Variants in NT5C2 observed in about 807,000 individuals in gnomAD.
NT5C2 encodes 5'-nucleotidase, cytosolic II.
In NT5C2, 58 loss-of-function variants were observed where a neutral mutation model predicts 76.1. The observed-to-expected ratio is 0.76, with a 90% CI of 0.62 to 0.95. The LOEUF is 0.95. Ranked by LOEUF, NT5C2 falls within the 40% of genes least tolerant of loss-of-function variation. The probability of loss-of-function intolerance (pLI) is 0.00; values close to 1 mark genes in which losing one functional copy is unlikely to be tolerated. For missense variants in NT5C2, 478 were observed against 690.3 expected, an observed-to-expected ratio of 0.69 and a Z score of 3.45; for synonymous variants, 229 against 237.4, an observed-to-expected ratio of 0.96 and a Z score of 0.32.
intron 3 of NT5C2, among the ~76,000 whole-genome samples, chr10:103,147,972 G>A (rs1026283264): frequency 2.0e-5 from 3 of 152,052 alleles, no homozygotes; most frequent in Admixed American, 6.6e-5. Context: ...TGAATGATAC[G>A]TGAATTGTAT....
intron 4 of NT5C2, among the ~76,000 whole-genome samples, chr10:103,118,676 C>T (rs1284738708): frequency 6.6e-6 from 1 of 152,040 alleles, no homozygotes; most frequent in African/African-American, 2.4e-5. Context: ...CACATTTCAT[C>T]TTCACAAATC....
chr10:103,187,354 G>C (rs1028193045), intron 1 of NT5C2, among the ~76,000 whole-genome samples: 5 of 151,822 alleles, frequency 3.3e-5, no homozygotes, highest in Non-Finnish European at 7.4e-5. Flanking sequence ...GACCAGCTTG[G>C]CCAAAATGAA....
intron 4 of NT5C2, among the ~76,000 whole-genome samples, chr10:103,135,900 C>G (rs1411701689): frequency 6.6e-6 from 1 of 151,954 alleles, no homozygotes; most frequent in African/African-American, 2.4e-5. Context: ...GCCTGGGTAA[C>G]CTGGTGAAAC....
At chr10:103,091,233 G>C (rs980405637) in intron 16 of NT5C2, among the ~76,000 whole-genome samples, 5 of 152,054 alleles carry the variant, frequency 3.3e-5, no homozygotes, top group South Asian at 2.1e-4. Flanking sequence ...ATGGGGTTTC[G>C]TTTGCCATGT....
chr10:103,165,364 A>G (rs1275798048), intron 3 of NT5C2, among the ~76,000 whole-genome samples: 1 of 152,084 alleles, frequency 6.6e-6, no homozygotes, highest in Non-Finnish European at 1.5e-5. Flanking sequence ...GTGCTGGCAC[A>G]TCCCTGTAAT....
At chr10:103,106,837 C>A in intron 4 of NT5C2, 131 bp from the exon 5 acceptor site, 1 of 684,140 alleles carries the variant, frequency 1.5e-6, no homozygotes, top group East Asian at 2.5e-5. Context: ...TCTTCCCCCT[C>A]AAACTCCATG....
intron 3 of NT5C2, among the ~76,000 whole-genome samples, chr10:103,160,783 G>C (rs1458723092): frequency 1.3e-5 from 2 of 152,160 alleles, no homozygotes; most frequent in African/African-American, 4.8e-5. Flanking sequence ...GGGAGGCCGA[G>C]GCAGGCAGAT....
chr10:103,140,237 CTT>C (rs1333418759), intron 3 of NT5C2: 2 of 152,218 alleles, frequency 1.3e-5, no homozygotes, highest in South Asian at 2.1e-4. Context: ...CTGCTTTGCT[CTT>C]TGTTTCTATG....
chr10:103,094,237 T>G (rs1255211669), intron 13 of NT5C2, 111 bp downstream of exon 13: 7 of 765,910 alleles, frequency 9.1e-6, no homozygotes, highest in Non-Finnish European at 1.5e-5. Flanking sequence ...AAAAGAGAGA[T>G]ACGGCTAATT....
rs529095426 is a variant in NT5C2 at position 103,109,326 on chromosome 10, G to A, written c.176-2620C>T. 5.3e-5 allele frequency among the ~76,000 whole-genome samples: 8 copies of A among 152,176 alleles called. No individual in the cohort carries two copies. In the East Asian group the frequency reaches 1.5e-3, roughly 29 times the overall value. ...TATATACACTAATAGAGTAAGAGCT[G>A]GTGTATCATAAAACCATAAGGCATG... On this transcript the variant is annotated intron_variant, in intron 4 of 18. Coordinates refer to ENST00000404739, the MANE Select transcript of NT5C2 (RefSeq NM_001351169.2).
At chr10:103,152,968 G>A (rs527460917) in intron 3 of NT5C2, among the ~76,000 whole-genome samples, 18 of 151,966 alleles carry the variant, frequency 1.2e-4, no homozygotes, top group African/African-American at 3.9e-4. Context: ...TCAATTCTTC[G>A]GTAAACCACC....
intron 1 of NT5C2, among the ~76,000 whole-genome samples, chr10:103,191,972 A>C (rs2092677219): frequency 7.0e-6 from 1 of 142,952 alleles, no homozygotes; most frequent in East Asian, 2.0e-4. Context: ...TTTTTTTTCC[A>C]CTCTCAGCTC....
At chr10:103,111,858 G>GT (rs2073122692) in intron 4 of NT5C2, 7 of 1,134,358 alleles carry the variant, frequency 6.2e-6, no homozygotes, top group Non-Finnish European at 7.8e-6. Context: ...ACAAAAGCTG[G>GT]TTTTAAAACT....
At chr10:103,192,506 T>A (rs1390514709) in intron 1 of NT5C2, among the ~76,000 whole-genome samples, 2 of 152,230 alleles carry the variant, frequency 1.3e-5, no homozygotes, top group Non-Finnish European at 2.9e-5. Context: ...CCCTCTCCGA[T>A]TTCAGGAGCC....
chr10:103,101,958 G>C (rs1368054073), intron 6 of NT5C2, among the ~76,000 whole-genome samples: 1 of 152,064 alleles, frequency 6.6e-6, no homozygotes, highest in Non-Finnish European at 1.5e-5. Flanking sequence ...TAGAAAGATG[G>C]GTTGAGGCAG....
rs1280175629 is a variant in NT5C2, at chr10:103,093,352, A to G, written c.989-43T>C. On this transcript the variant is annotated intron_variant, in intron 14 of 18. Transcript: ENST00000404739. ...ACAATGAGAAAACTGTCCCTATATT[A>G]AAATCAGCATTCCAATAGTATTTAA... 3 of 1,474,090 alleles carry G rather than the reference A, an allele frequency of 2.0e-6. No individual in the cohort carries two copies. In the Admixed American group the frequency reaches 7.1e-5, roughly 35 times the overall value. 91.3% of individuals were successfully genotyped at this position (1,474,090 alleles called of 1,614,324 possible).
intron 2 of NT5C2, among the ~76,000 whole-genome samples, chr10:103,180,059 T>G (rs1336695657): frequency 6.6e-6 from 1 of 152,146 alleles, no homozygotes; most frequent in African/African-American, 2.4e-5. Flanking sequence ...AATGCAATAA[T>G]AAGCTAAATA....
At chr10:103,156,144 G>C (rs185359375) in intron 3 of NT5C2, among the ~76,000 whole-genome samples, 2 of 151,930 alleles carry the variant, frequency 1.3e-5, no homozygotes, top group South Asian at 2.1e-4. Context: ...CTGAGCAACA[G>C]AGTGAGACTC....
rs201371414 is a variant in NT5C2 at position 103,183,262 on chromosome 10, GATATAT to G, written c.-168-1940_-168-1935del. Among the ~76,000 whole-genome samples the G allele has an allele frequency of 3.0e-3, 218 of 73,372 alleles. 3 individuals carry two copies. The highest frequency in any genetic ancestry group is 0.023 in the Middle Eastern group (2 of 86). The allele number at this position is 73,372 out of a possible 152,430, so 48.1% of individuals were successfully genotyped here. On this transcript the variant is annotated intron_variant, in intron 1 of 18. Transcript: ENST00000404739. ...GAGATATATATATATGTGTGTGTGTGATATATATATATATATATATATATATATATA... is the reference window on the plus strand; with the variant it reads ...GAGATATATATATATGTGTGTGTGTGATATATATATATATATATATATATA...
Sources: allele counts gnomAD v4.1 joint callset (sites outside exome capture counted in the v4.1 genomes callset), GRCh38; gene constraint gnomAD v4.1.1; transcripts MANE v1.5; gene names NCBI Gene and HGNC (gene_info 2026-07-23, HGNC 2026-07-21).